Variants in GLIS1 observed in about 807,000 individuals in gnomAD.
GLIS1 encodes the protein zinc finger protein GLIS1.
Under a neutral mutation model 63.8 loss-of-function variants are expected in GLIS1, and 24 were observed. The observed-to-expected ratio is 0.38, with a 90% confidence interval of 0.27 to 0.53. GLIS1 has a LOEUF of 0.53. GLIS1 is among the 20% of genes least tolerant of loss of function. GLIS1 has a pLI of 0.85. For missense variants in GLIS1, 1,036 were observed against 1,074.1 expected (o/e 0.96, Z 0.50); for synonymous variants, 450 against 482.5 (o/e 0.93, Z 0.88).
At chr1:53,621,529 A>G (rs1454448719) in intron 2 of GLIS1, among the ~76,000 whole-genome samples, 1 of 152,282 alleles carries the variant, frequency 6.6e-6, no homozygotes, top group Non-Finnish European at 1.5e-5. Flanking sequence ...TCAAAAGCCA[A>G]TTAGCCACAA....
At chr1:53,516,833 C>T (rs1644357870) in intron 7 of GLIS1, among the ~76,000 whole-genome samples, 1 of 151,716 alleles carries the variant, frequency 6.6e-6, no homozygotes, top group South Asian at 2.1e-4. Flanking sequence ...AAAAACAAAG[C>T]ACCACCACCA....
In GLIS1 at chr1:53,652,141, T is replaced by C. The variant is rs974359029; in HGVS notation, c.260-51863A>G. Among the ~76,000 whole-genome samples the C allele has an allele frequency of 7.9e-5, 12 of 152,354 alleles. No homozygotes were observed. In the East Asian group the frequency reaches 2.3e-3, roughly 29 times the overall value. On this transcript the variant is annotated intron_variant, in intron 2 of 10. Coordinates refer to ENST00000628545, the MANE Select transcript of GLIS1 (RefSeq NM_001367484.1). ...CACTTCCTAGCTCAGTGTCTTCATC[T>C]GTAAAACGGGCTGTTCTGTGAATTC...
intron 2 of GLIS1, among the ~76,000 whole-genome samples, chr1:53,700,158 A>C (rs11206197): frequency 6.6e-6 from 1 of 151,968 alleles, no homozygotes; most frequent in African/African-American, 2.4e-5. Flanking sequence ...AAATGGGAAC[A>C]TCTACAGTGC....
chr1:53,509,933 C>T lies in GLIS1; in HGVS notation c.1978G>A (p.Gly660Ser). The T allele has an allele frequency of 7.7e-7, 1 of 1,305,040 alleles. No homozygotes were observed. The highest frequency in any genetic ancestry group is 9.8e-7 in the Non-Finnish European group (1 of 1,018,180). The allele number at this position is 1,305,040 out of a possible 1,614,324, so 80.8% of individuals were successfully genotyped here. A position where few individuals can be genotyped will look rare whatever the true frequency, so the allele number is the denominator to read the frequency against. ...CTGGGGAGTGTGGGGAAGGGCTGGCCCCCCGGAGAATGGCTCTGAGAGGAT... is the reference window on the plus strand; with the variant it reads ...CTGGGGAGTGTGGGGAAGGGCTGGCTCCCCGGAGAATGGCTCTGAGAGGAT... ...PPSSQSHSPGGQPFPTLPSKP... is the reference protein window; with the variant it reads ...PPSSQSHSPGSQPFPTLPSKP... The change falls in exon 9 of 11, where the codon GGC becomes AGC. Residue 660 changes from glycine to serine, a missense_variant. This residue lies in a region of GLIS1 where 400 missense variants were observed against 400.9 expected (regional missense o/e 1.00). Transcript: ENST00000628545.
chr1:53,515,461 G>A (rs1053616006), intron 7 of GLIS1, among the ~76,000 whole-genome samples: 3 of 152,104 alleles, frequency 2.0e-5, no homozygotes, highest in African/African-American at 7.2e-5. Context: ...ATGGTTGCAT[G>A]GGCGGTACAC....
intron 2 of GLIS1, among the ~76,000 whole-genome samples, chr1:53,638,315 C>T (rs1296873159): frequency 2.3e-4 from 35 of 152,236 alleles, no homozygotes. Flanking sequence ...CAACGTGGTC[C>T]GTTCCCATCA....
rs766514365 is a variant in GLIS1, at chr1:53,520,694, T to C, written c.1666A>G (p.Thr556Ala). The change falls in exon 7 of 11, where the codon ACA (threonine) becomes GCA (alanine). Residue 556 changes from threonine (T) to alanine (A), a missense_variant. By Grantham distance (58) the Thr-to-Ala change is moderately conservative (BLOSUM62 0). Around this residue, in one of 3 missense-constraint regions of GLIS1, gnomAD observed 400 missense variants for 400.9 expected, o/e 1.00. Transcript: ENST00000628545. ...CLVLQQLHTS[T>A]QLAASDGKGG... ...TTGCCGTCGCTGGCAGCCAGCTGTG[T>C]GGACGTGTGGAGCTGCTGCAGGACC... is the stretch of plus-strand genomic sequence containing the variant. 1 of 1,608,048 alleles carries C rather than the reference T, an allele frequency of 6.2e-7. No individual in the cohort carries two copies. The highest frequency in any genetic ancestry group is 2.2e-5 in the East Asian group (1 of 44,654).
At chr1:53,614,183 T>C (rs1357400643) in intron 2 of GLIS1, among the ~76,000 whole-genome samples, 1 of 152,196 alleles carries the variant, frequency 6.6e-6, no homozygotes, top group Non-Finnish European at 1.5e-5. Flanking sequence ...TCTTATGCGG[T>C]TTACATTCCA....
rs919373154 is a variant in GLIS1, at chr1:53,598,467, G to A, written c.437+1634C>T. Among the ~76,000 whole-genome samples, 2 of 152,106 alleles carry A rather than the reference G, an allele frequency of 1.3e-5. No individual in the cohort carries two copies. The highest frequency in any genetic ancestry group is 2.4e-5 in the African/African-American group (1 of 41,416). On this transcript the variant is annotated intron_variant, in intron 3 of 10. Transcript: ENST00000628545. This position sits in a 1 kb window ranked among gnomAD's most constrained non-coding sequence, Gnocchi z 4.6. Reference sequence around the variant, plus strand: ...GCAGGATCACTTGAGCCTGGGAGGTGGAGGCTGCAGCGAGCCAACATTGTG... The same window carrying A: ...GCAGGATCACTTGAGCCTGGGAGGTAGAGGCTGCAGCGAGCCAACATTGTG...
chr1:53,506,776 C>T lies in GLIS1; in HGVS notation c.2231G>A (p.Gly744Asp), dbSNP rs1569701454. The T allele has an allele frequency of 3.1e-6, 5 of 1,608,678 alleles. No homozygotes were observed. The highest frequency in any genetic ancestry group is 4.2e-6 in the Non-Finnish European group (5 of 1,179,648). Residue 744 changes from glycine (G) to aspartate (D), a missense_variant and splice_region_variant, in exon 11 of 11, where the codon GGC becomes GAC. Around this residue, in one of 3 missense-constraint regions of GLIS1, gnomAD observed 400 missense variants for 400.9 expected, o/e 1.00. Transcript: ENST00000628545. ...HSLSTPLPAT[G>D]YEALAEASCP... ...TGAGGCCTCAGCCAGGGCCTCATAG[C>T]CTGTGAGTGGTTGGGAAAGGGTCAG...
At chr1:53,683,116 A>G (rs974468287) in intron 2 of GLIS1, among the ~76,000 whole-genome samples, 1 of 152,162 alleles carries the variant, frequency 6.6e-6, no homozygotes, top group Non-Finnish European at 1.5e-5. Context: ...TTTAGAAGGA[A>G]AGGAAAGAAG....
chr1:53,648,676 G>A (rs1405660659), intron 2 of GLIS1, among the ~76,000 whole-genome samples: 1 of 152,182 alleles, frequency 6.6e-6, no homozygotes, highest in Non-Finnish European at 1.5e-5. Flanking sequence ...AGCCATAGCT[G>A]CACAGCATGA....
intron 4 of GLIS1, among the ~76,000 whole-genome samples, chr1:53,581,038 CCT>C (rs1645080010): frequency 6.6e-6 from 1 of 151,096 alleles, no homozygotes; most frequent in South Asian, 2.1e-4. Context: ...GATAAGAACG[CCT>C]CTCTGGGCCT....
Position 53,728,854 on chromosome 1 carries a change from C to T in GLIS1, c.259+8952G>A, listed in dbSNP as rs188761270. The stretch of plus-strand genomic sequence containing the variant: ...GGCCCGGCACAAAGGCCTTGAATGC[C>T]AGATCAAAGGGCTCAGATTTTTCCC... On this transcript the variant is annotated intron_variant, in intron 2 of 10. Transcript: ENST00000628545. Among the ~76,000 whole-genome samples, 168 of 152,358 alleles carry T rather than the reference C, an allele frequency of 1.1e-3. 1 individual carries two copies. The highest frequency in any genetic ancestry group is 3.7e-3 in the South Asian group (18 of 4,828).
chr1:53,517,965 C>T (rs1015213374), intron 7 of GLIS1, among the ~76,000 whole-genome samples: 3 of 152,360 alleles, frequency 2.0e-5, no homozygotes, highest in East Asian at 3.9e-4. Flanking sequence ...GAAGTGGGGA[C>T]GCCACGGGGC....
Position 53,705,977 on chromosome 1 carries a change from G to A in GLIS1, c.259+31829C>T, listed in dbSNP as rs533057551. Among the ~76,000 whole-genome samples the A allele has an allele frequency of 1.4e-4, 22 of 152,260 alleles. 1 individual carries two copies. The highest frequency in any genetic ancestry group is 6.8e-3 in the Middle Eastern group (2 of 294). On this transcript the variant is annotated intron_variant, in intron 2 of 10. Transcript: ENST00000628545. Reference sequence around the variant, plus strand: ...CCACACCTCCCACCGAAGCAGCCTCGGGAAAGGCTCTGGAATCAGAAGGAC... The same window carrying A: ...CCACACCTCCCACCGAAGCAGCCTCAGGAAAGGCTCTGGAATCAGAAGGAC...
chr1:53,701,660 C>T (rs1646523695), intron 2 of GLIS1, among the ~76,000 whole-genome samples: 1 of 152,160 alleles, frequency 6.6e-6, no homozygotes, highest in Non-Finnish European at 1.5e-5. Flanking sequence ...CCTCTGCCTC[C>T]TACGTAGAGA....
chr1:53,635,031 G>A (rs1645708150), intron 2 of GLIS1, among the ~76,000 whole-genome samples: 1 of 151,576 alleles, frequency 6.6e-6, no homozygotes. Context: ...GTAGTTGCAT[G>A]TAGAGTCAAC....
intron 2 of GLIS1, among the ~76,000 whole-genome samples, chr1:53,730,459 C>A (rs1188156037): frequency 6.6e-6 from 1 of 152,168 alleles, no homozygotes; most frequent in Non-Finnish European, 1.5e-5. Flanking sequence ...CTTAAAACAG[C>A]AAATGGGATC....
Sources: gnomAD v4.1 joint callset for allele counts (sites outside exome capture counted in the v4.1 genomes callset) on GRCh38, gnomAD v4.1.1 for gene constraint, gnomAD v4.1.1 regional missense constraint, Gnocchi (gnomAD v3.1) non-coding constraint, MANE v1.5 for transcripts, NCBI Gene and HGNC (gene_info 2026-07-23, HGNC 2026-07-21) for gene names.